ZNF284: variants seen among roughly 807,000 people sequenced by gnomAD.
The protein encoded by ZNF284 is zinc finger protein 284.
ZNF284 carries 12 observed loss-of-function variants against 12.9 expected under a neutral mutation model. That is an observed-to-expected ratio of 0.93 (90% CI 0.60 to 1.51). The LOEUF (loss-of-function observed/expected upper bound fraction) is 1.51, where lower values mean the gene tolerates loss of function less well. ZNF284 is among the 40% of genes most tolerant of loss of function. The pLI is 0.00. For synonymous variants in ZNF284, 225 were observed against 236.5 expected, an observed-to-expected ratio of 0.95 and a Z score of 0.45; for missense variants, 667 against 707.3, an observed-to-expected ratio of 0.94 and a Z score of 0.65.
chr19:44,081,438 G>A (rs1169714953), intron 3 of ZNF284, among the ~76,000 whole-genome samples: 1 of 152,120 alleles, frequency 6.6e-6, no homozygotes, highest in Non-Finnish European at 1.5e-5. Flanking sequence ...AGGGCCGGGC[G>A]CGGTGGCTCA....
chr19:44,079,223 G>T (rs773605483), intron 2 of ZNF284, among the ~76,000 whole-genome samples: 9 of 152,222 alleles, frequency 5.9e-5, no homozygotes, highest in Non-Finnish European at 1.0e-4. Flanking sequence ...TCAGTTCCCT[G>T]TAATAGTATG....
rs1278094365 is a variant in ZNF284, at chr19:44,086,884, G to T, written c.1406G>T (p.Gly469Val). ...GGAAAGAGCTTCAGGTGGGCCTCAG[G>T]TATTTTGAGACATAAGAGACTCCAT... ...ECGKSFRWASGILRHKRLHTG... is the reference protein window; with the variant it reads ...ECGKSFRWASVILRHKRLHTG... Residue 469 changes from glycine (G) to valine (V), a missense_variant, in exon 5 of 5, where the codon GGT becomes GTT. Transcript: ENST00000421176. 1.2e-6 allele frequency: 2 copies of T among 1,613,884 alleles called. No homozygotes were observed. The highest frequency in any genetic ancestry group is 1.7e-5 in the Admixed American group (1 of 59,952).
In ZNF284 at chr19:44,087,047, C is replaced by T; in HGVS notation, c.1569C>T (p.Ala523=). ...CEECGKGFRW[A]STHLTHQRLH... ...AGTGTGGAAAGGGATTCAGATGGGC[C>T]TCAACTCATCTAACCCATCAAAGAC... The change falls in exon 5 of 5, where the codon GCC becomes GCT. Residue 523 remains alanine, a synonymous_variant. Transcript: ENST00000421176. 5 of 1,614,040 alleles carry T rather than the reference C, an allele frequency of 3.1e-6. No homozygotes were observed. The highest frequency in any genetic ancestry group is 4.2e-6 in the Non-Finnish European group (5 of 1,179,984).
intron 1 of ZNF284, among the ~76,000 whole-genome samples, 178 bp downstream of exon 1, chr19:44,072,469 C>A (rs529430099): frequency 1.1e-4 from 16 of 152,240 alleles, no homozygotes; most frequent in African/African-American, 3.1e-4. Context: ...CTCCATCCCA[C>A]CTGTGAGGCT....
At position 44,085,978 on chromosome 19, in the gene ZNF284, A is replaced by T; in HGVS notation, c.500A>T (p.Gln167Leu). The T allele has an allele frequency of 6.2e-7, 1 of 1,614,152 alleles. No individual in the cohort carries two copies. The highest frequency in any genetic ancestry group is 8.5e-7 in the Non-Finnish European group (1 of 1,180,004). The change falls in exon 5 of 5, where the codon CAA (glutamine) becomes CTA (leucine). Residue 167 changes from glutamine (Q) to leucine (L), a missense_variant. Coordinates refer to ENST00000421176, the MANE Select transcript of ZNF284 (RefSeq NM_001037813.4). ...SDVSILDLHQ[Q>L]LHSGKISHTC... Reference sequence around the variant, plus strand: ...GTCTCCATCCTTGATCTTCATCAACAATTACACTCAGGAAAGATATCCCAT... The same window carrying T: ...GTCTCCATCCTTGATCTTCATCAACTATTACACTCAGGAAAGATATCCCAT...
intron 1 of ZNF284, 87 bp from the exon 2 acceptor site, chr19:44,076,235 A>C: frequency 1.6e-6 from 1 of 629,176 alleles, no homozygotes. Context: ...GTGCTAATTC[A>C]CAACACATGT....
chr19:44,084,996 C>A (rs959227509), intron 4 of ZNF284, among the ~76,000 whole-genome samples: 1 of 152,094 alleles, frequency 6.6e-6, no homozygotes, highest in African/African-American at 2.4e-5. Context: ...GAGTGCACAG[C>A]GGAAATGTAA....
rs60441974 is a variant in ZNF284 at position 44,083,474 on chromosome 19, TAG to T, written c.235+1396_235+1397del. On this transcript the variant is annotated intron_variant, in intron 4 of 4. Coordinates refer to ENST00000421176, the MANE Select transcript of ZNF284 (RefSeq NM_001037813.4). Reference sequence around the variant, plus strand: ...AAATATATATATATATATATATATATAGAGAGAGAGAGAGAGAGAGAGAGAGA... The same window carrying T: ...AAATATATATATATATATATATATATAGAGAGAGAGAGAGAGAGAGAGAGA... 9.0e-3 allele frequency among the ~76,000 whole-genome samples: 585 copies of T among 64,880 alleles called. 26 individuals carry two copies. Among genetic ancestry groups the T allele is most frequent in the Admixed American group, 0.025 (159 of 6,248 alleles). The allele number at this position is 64,880 out of a possible 152,430, so 42.6% of individuals were successfully genotyped here.
At chr19:44,077,610 A>T (rs1397408947) in intron 2 of ZNF284, among the ~76,000 whole-genome samples, 4 of 142,646 alleles carry the variant, frequency 2.8e-5, no homozygotes, top group Admixed American at 7.3e-5. Flanking sequence ...ATATCAGAAG[A>T]TTCTCTAGTC....
intron 2 of ZNF284, among the ~76,000 whole-genome samples, chr19:44,079,565 C>A (rs1034450248): frequency 2.6e-5 from 4 of 151,292 alleles, no homozygotes; most frequent in African/African-American, 9.7e-5. Flanking sequence ...AAACATTAGC[C>A]GGGTGTGGTG....
intron 1 of ZNF284, among the ~76,000 whole-genome samples, chr19:44,075,634 G>T (rs917943589): frequency 1.3e-5 from 2 of 152,190 alleles, no homozygotes; most frequent in African/African-American, 4.8e-5. Context: ...CTACTGTAAA[G>T]AAGAGTTTCC....
At position 44,085,773 on chromosome 19, in the gene ZNF284, T is replaced by A; in HGVS notation, c.295T>A (p.Ser99Thr). The change falls in exon 5 of 5, where the codon TCT (serine) becomes ACT (threonine). Residue 99 changes from serine to threonine, a missense_variant. Transcript: ENST00000421176. ...AGAAACAGGACCACATGAAGAGTGG[T>A]CTTGCCAGCAAATCTGGGAACAAAC... ...VPETGPHEEW[S>T]CQQIWEQTAS... The A allele has an allele frequency of 6.2e-7, 1 of 1,614,184 alleles. No homozygotes were observed. Among genetic ancestry groups the A allele is most frequent in the Non-Finnish European group, 8.5e-7 (1 of 1,180,028 alleles).
In ZNF284 at chr19:44,086,530, G is replaced by A; in HGVS notation, c.1052G>A (p.Ser351Asn). ...TACAAATGTGAAGAATGTGGAAGGA[G>A]CTTCACTTGTAGGCAAGATCTTTGT... ...KLYKCEECGR[S>N]FTCRQDLCKH... is the part of the protein sequence containing the mutation. Residue 351 changes from serine to asparagine, a missense_variant, in exon 5 of 5, where the codon AGC (serine) becomes AAC (asparagine). Coordinates refer to ENST00000421176, the MANE Select transcript of ZNF284 (RefSeq NM_001037813.4). The A allele has an allele frequency of 1.2e-6, 2 of 1,614,184 alleles. No individual in the cohort carries two copies. Among genetic ancestry groups the A allele is most frequent in the Non-Finnish European group, 1.7e-6 (2 of 1,180,024 alleles).
intron 2 of ZNF284, among the ~76,000 whole-genome samples, chr19:44,079,273 A>G (rs1221260712): frequency 6.6e-6 from 1 of 152,260 alleles, no homozygotes; most frequent in Non-Finnish European, 1.5e-5. Flanking sequence ...TGAAAGTTAT[A>G]ATAAAAAATC....
intron 2 of ZNF284, among the ~76,000 whole-genome samples, chr19:44,080,229 G>A (rs140405199): frequency 5.3e-5 from 8 of 152,244 alleles, no homozygotes; most frequent in South Asian, 4.1e-4. Context: ...TGTAGTTTGC[G>A]TCTTGAATAC....
At chr19:44,077,468 G>A (rs1389613316) in intron 2 of ZNF284, among the ~76,000 whole-genome samples, 1 of 149,090 alleles carries the variant, frequency 6.7e-6, no homozygotes, top group Non-Finnish European at 1.5e-5. Context: ...TAGCAATTCA[G>A]TCTCAACTTT....
Position 44,086,748 on chromosome 19 carries a change from G to A in ZNF284, c.1270G>A (p.Glu424Lys). Residue 424 changes from glutamate (E) to lysine (K), a missense_variant, in exon 5 of 5, where the codon GAA (glutamate) becomes AAA (lysine). Transcript: ENST00000421176. ...TTCACATCAGAGAGCCTATAGAGAA[G>A]AAGAACTGTATAAATGTCAGAAGTG... ...GHSHQRAYRE[E>K]ELYKCQKCGK... is the part of the protein sequence containing the mutation. 1 of 1,614,144 alleles carries A rather than the reference G, an allele frequency of 6.2e-7. No individual in the cohort carries two copies. The highest frequency in any genetic ancestry group is 8.5e-7 in the Non-Finnish European group (1 of 1,180,008).
chr19:44,086,667 A>G lies in ZNF284; in HGVS notation c.1189A>G (p.Thr397Ala). ...ACATCAGCGGGTCCACAATGGAGAA[A>G]CAACATTCAAGTGCGACGGATGTGG... is the stretch of plus-strand genomic sequence containing the variant. ...SRHQRVHNGE[T>A]TFKCDGCGKR... Residue 397 changes from threonine (T) to alanine (A), a missense_variant, in exon 5 of 5, where the codon ACA (threonine) becomes GCA (alanine). By Grantham distance (58) the Thr-to-Ala change is moderately conservative (BLOSUM62 0). Transcript: ENST00000421176. 6.2e-7 allele frequency: 1 copy of G among 1,614,116 alleles called. No individual in the cohort carries two copies. The highest frequency in any genetic ancestry group is 1.1e-5 in the South Asian group (1 of 91,076).
At chr19:44,080,465 A>AATCCC (rs1348937918) in intron 2 of ZNF284, among the ~76,000 whole-genome samples, 1 of 152,116 alleles carries the variant, frequency 6.6e-6, no homozygotes, top group Admixed American at 6.5e-5. Context: ...AGGTGCCTAT[A>AATCCC]ATCCCAGCTA....
Sources: allele counts gnomAD v4.1 joint callset (sites outside exome capture counted in the v4.1 genomes callset), GRCh38; gene constraint gnomAD v4.1.1; transcripts MANE v1.5; gene names NCBI Gene and HGNC (gene_info 2026-07-23, HGNC 2026-07-21).